Variants in ME3 observed in about 807,000 individuals in gnomAD.
The protein encoded by ME3 is malic enzyme 3, also known as NADP-dependent malic enzyme, mitochondrial.
A neutral mutation model predicts 68.9 loss-of-function variants in ME3; 48 were observed. That is an observed-to-expected ratio of 0.70 (90% CI 0.55 to 0.89). The LOEUF is 0.89. ME3 is among the 40% of genes least tolerant of loss of function. ME3 has a pLI of 0.00. For synonymous variants in ME3, 320 were observed against 318.8 expected, an observed-to-expected ratio of 1.00 and a Z score of -0.04; for missense variants, 675 against 797.4, an observed-to-expected ratio of 0.85 and a Z score of 1.85.
chr11:86,668,117 ATGCAGTTGTGAAT>A (rs1232687600), intron 2 of ME3: 1 of 152,176 alleles, frequency 6.6e-6, no homozygotes, highest in Admixed American at 6.6e-5. Context: ...AAATCAGTCT[ATGCAGTTGTGAAT>A]TGCCATCATT....
intron 2 of ME3, among the ~76,000 whole-genome samples, chr11:86,611,604 G>T (rs1289228171): frequency 1.4e-4 from 2 of 14,402 alleles, no homozygotes; most frequent in Non-Finnish European, 1.1e-3. Flanking sequence ...ACTCAATAAA[G>T]TGGGGGGGGG....
intron 2 of ME3, among the ~76,000 whole-genome samples, chr11:86,560,748 G>GTGTATATATATATATATA (rs1243025217): frequency 3.0e-4 from 19 of 62,520 alleles, no homozygotes; most frequent in East Asian, 6.7e-4. Flanking sequence ...GTGTGTGTGT[G>GTGTATATATATATATATA]TATATATATA....
At chr11:86,498,634 G>C (rs1952518847) in intron 5 of ME3, among the ~76,000 whole-genome samples, 1 of 152,134 alleles carries the variant, frequency 6.6e-6, no homozygotes, top group Non-Finnish European at 1.5e-5. Context: ...ACATCTTCTA[G>C]GATCACTATT....
chr11:86,480,301 T>C (rs1031072644), intron 7 of ME3, among the ~76,000 whole-genome samples: 1 of 152,240 alleles, frequency 6.6e-6, no homozygotes, highest in Non-Finnish European at 1.5e-5. Context: ...CCCAGAGTTT[T>C]GGTTGCAGTA....
chr11:86,448,016 T>C, intron 11 of ME3, 134 bp downstream of exon 11: 1 of 634,178 alleles, frequency 1.6e-6, no homozygotes, highest in Non-Finnish European at 2.8e-6. Context: ...GTTTGTGGCA[T>C]TGAATTGCAC....
At chr11:86,652,246 C>T (rs912759034) in intron 2 of ME3, among the ~76,000 whole-genome samples, 1 of 152,030 alleles carries the variant, frequency 6.6e-6, no homozygotes, top group Non-Finnish European at 1.5e-5. Context: ...ACAGAGAATG[C>T]CACAAAGATA....
At chr11:86,552,988 G>C (rs1956768209) in intron 4 of ME3, among the ~76,000 whole-genome samples, 1 of 152,126 alleles carries the variant, frequency 6.6e-6, no homozygotes, top group Admixed American at 6.5e-5. Flanking sequence ...CCTTCCTCTG[G>C]GTTGAGTTCT....
intron 2 of ME3, among the ~76,000 whole-genome samples, chr11:86,560,949 T>C (rs1957201772): frequency 6.6e-6 from 1 of 151,822 alleles, no homozygotes; most frequent in Admixed American, 6.6e-5. Flanking sequence ...GATGTTTTTC[T>C]CATGATTGGA....
chr11:86,618,004 A>C (rs1364959969), intron 2 of ME3, among the ~76,000 whole-genome samples: 1 of 152,102 alleles, frequency 6.6e-6, no homozygotes, highest in South Asian at 2.1e-4. Flanking sequence ...CCTGAGTTCA[A>C]ATTCACAAGA....
At chr11:86,481,311 C>T (rs1006406264) in intron 7 of ME3, among the ~76,000 whole-genome samples, 26 of 149,146 alleles carry the variant, frequency 1.7e-4, no homozygotes, top group African/African-American at 4.9e-4. Flanking sequence ...CCTTGGCCTC[C>T]GAAAATGCTG....
intron 2 of ME3, among the ~76,000 whole-genome samples, chr11:86,574,219 A>G (rs7130902): frequency 0.24 from 36,775 of 151,924 alleles, 4,878 homozygotes; most frequent in East Asian, 0.54. Flanking sequence ...CAATTCGTCA[A>G]TCTCATTCTT....
chr11:86,534,081 GTATATATATATATATA>G (rs57566563), intron 4 of ME3, among the ~76,000 whole-genome samples: 1 of 127,508 alleles, frequency 7.8e-6, no homozygotes, highest in Non-Finnish European at 1.7e-5. Flanking sequence ...GTGTGTGTGT[GTATATATATATATATA>G]TATATATATA....
intron 4 of ME3, among the ~76,000 whole-genome samples, chr11:86,537,509 C>G (rs559060519): frequency 6.6e-6 from 1 of 152,168 alleles, no homozygotes; most frequent in Non-Finnish European, 1.5e-5. Flanking sequence ...GCCCGTGGGG[C>G]AGGGAGTCAT....
chr11:86,566,199 C>T (rs1392866073), intron 2 of ME3, among the ~76,000 whole-genome samples: 2 of 152,192 alleles, frequency 1.3e-5, no homozygotes, highest in African/African-American at 2.4e-5. Context: ...ACTGTGCTGG[C>T]CTGCTAATGT....
intron 8 of ME3, among the ~76,000 whole-genome samples, chr11:86,461,227 G>C (rs77255695): frequency 0.028 from 4,189 of 152,254 alleles, 120 homozygotes; most frequent in African/African-American, 0.071. Flanking sequence ...TGTGTCTTTT[G>C]TCTGGCTGTG....
At chr11:86,651,220 C>T (rs1485533631) in intron 2 of ME3, among the ~76,000 whole-genome samples, 1 of 152,180 alleles carries the variant, frequency 6.6e-6, no homozygotes, top group Admixed American at 6.5e-5. Flanking sequence ...CTTAAATGTC[C>T]CTGTCTGACA....
downstream of ME3, chr11:86,436,689 T>C (rs1449312096): frequency 1.3e-5 from 2 of 152,144 alleles, no homozygotes; most frequent in Non-Finnish European, 2.9e-5. Context: ...GTTTGAGATG[T>C]GTAAAGGTTA....
At chr11:86,460,819 A>AG (rs1950191007) in intron 8 of ME3, among the ~76,000 whole-genome samples, 1 of 152,212 alleles carries the variant, frequency 6.6e-6, no homozygotes, top group Admixed American at 6.5e-5. Flanking sequence ...TTGGAGATAA[A>AG]GGGGGACCAT....
chr11:86,643,624 C>G (rs1432255957), intron 2 of ME3, among the ~76,000 whole-genome samples: 1 of 152,136 alleles, frequency 6.6e-6, no homozygotes, highest in Non-Finnish European at 1.5e-5. Context: ...TTCTTTCTCC[C>G]CATGAATGCA....
Sources: gnomAD v4.1 joint callset for allele counts (sites outside exome capture counted in the v4.1 genomes callset) on GRCh38, gnomAD v4.1.1 for gene constraint, MANE v1.5 for transcripts, NCBI Gene and HGNC (gene_info 2026-07-23, HGNC 2026-07-21) for gene names.